Variants in ADARB2 observed in about 807,000 individuals in gnomAD.
ADARB2 encodes the protein adenosine deaminase RNA specific B2 (inactive).
ADARB2 carries 25 observed loss-of-function variants against 62.2 expected under a neutral mutation model. That is an observed-to-expected ratio of 0.40 (90% confidence interval 0.29 to 0.56). The LOEUF (loss-of-function observed/expected upper bound fraction) is 0.56, where lower values mean the gene tolerates loss of function less well. ADARB2 is among the 20% of genes least tolerant of loss of function. The probability of loss-of-function intolerance (pLI) is 0.43; values close to 1 mark genes in which losing one functional copy is unlikely to be tolerated. For missense variants in ADARB2, 1,071 were observed against 1,077.4 expected (o/e 0.99, Z 0.08); for synonymous variants, 572 against 500.8 (o/e 1.14, Z -1.90).
chr10:1,534,054 A>G (rs912537786), intron 1 of ADARB2, among the ~76,000 whole-genome samples: 1 of 151,592 alleles, frequency 6.6e-6, no homozygotes, highest in Admixed American at 6.6e-5. Flanking sequence ...AGAGAGAGAG[A>G]GAGAGAGAGA....
intron 1 of ADARB2, among the ~76,000 whole-genome samples, chr10:1,712,819 C>T (rs1268115598): frequency 6.6e-6 from 1 of 151,974 alleles, no homozygotes; most frequent in African/African-American, 2.4e-5. Context: ...CCGTGTTAGT[C>T]AGGATGGTCT....
intron 1 of ADARB2, among the ~76,000 whole-genome samples, chr10:1,596,577 C>T (rs116510630): frequency 0.017 from 2,628 of 152,320 alleles, 82 homozygotes; most frequent in African/African-American, 0.059. Flanking sequence ...AGGAGAGATG[C>T]TTCCTGGCAC....
intron 1 of ADARB2, among the ~76,000 whole-genome samples, chr10:1,388,384 C>T (rs932810882): frequency 6.6e-6 from 1 of 152,114 alleles, no homozygotes; most frequent in African/African-American, 2.4e-5. Context: ...TAGTTAGTGT[C>T]ATAAGGCCAG....
At chr10:1,475,834 C>T (rs2820642) in intron 1 of ADARB2, among the ~76,000 whole-genome samples, 86,049 of 151,908 alleles carry the variant, frequency 0.57, 24,505 homozygotes, top group South Asian at 0.71. Flanking sequence ...CAAAGGCCAC[C>T]GGCAATGAGG....
rs2997721 is a variant in ADARB2 at position 1,327,696 on chromosome 10, G to A, written c.1077+35332C>T. ...GCGCCTCCTCACTGCACAGCGCCTC[G>A]TCACAGTTTAGTGCCTACCCACAGT... On this transcript the variant is annotated intron_variant, in intron 3 of 9. Coordinates refer to ENST00000381312, the MANE Select transcript of ADARB2 (RefSeq NM_018702.4). 5.1e-3 allele frequency among the ~76,000 whole-genome samples: 153 copies of A among 30,294 alleles called. 32 individuals are homozygous for A. The highest frequency in any genetic ancestry group is 0.016 in the African/African-American group (144 of 8,750). The allele number at this position is 30,294 out of a possible 152,430, so 19.9% of individuals were successfully genotyped here. A position where few individuals can be genotyped will look rare whatever the true frequency, so the allele number is the denominator to read the frequency against.
intron 3 of ADARB2, among the ~76,000 whole-genome samples, chr10:1,318,404 G>A (rs1429002717): frequency 6.6e-6 from 1 of 151,956 alleles, no homozygotes; most frequent in Non-Finnish European, 1.5e-5. Context: ...GAGTGAGAGA[G>A]ATCATGGGCT....
chr10:1,392,225 C>T (rs1228135412), intron 1 of ADARB2, among the ~76,000 whole-genome samples: 1 of 152,184 alleles, frequency 6.6e-6, no homozygotes, highest in Non-Finnish European at 1.5e-5. Flanking sequence ...CATGTCCATT[C>T]CACATCTTGC....
chr10:1,381,957 T>C (rs1289620729), intron 1 of ADARB2, among the ~76,000 whole-genome samples: 2 of 152,138 alleles, frequency 1.3e-5, no homozygotes, highest in Non-Finnish European at 2.9e-5. Context: ...ATAACATGTA[T>C]TGCCCACTTG....
At chr10:1,555,525 G>A (rs1328292389) in intron 1 of ADARB2, among the ~76,000 whole-genome samples, 1 of 152,196 alleles carries the variant, frequency 6.6e-6, no homozygotes, top group Non-Finnish European at 1.5e-5. Context: ...TTTGACTGCA[G>A]GGACCGTGAG....
chr10:1,524,100 A>AGATG (rs1407259001), intron 1 of ADARB2, among the ~76,000 whole-genome samples: 1 of 151,360 alleles, frequency 6.6e-6, no homozygotes, highest in African/African-American at 2.4e-5. Context: ...ATAGATAGAT[A>AGATG]GATTAGAGAG....
chr10:1,532,134 G>A (rs982077254), intron 1 of ADARB2, among the ~76,000 whole-genome samples: 2 of 152,152 alleles, frequency 1.3e-5, no homozygotes, highest in Non-Finnish European at 2.9e-5. Flanking sequence ...GTGTTTTCCT[G>A]TATCAGCCCG....
At chr10:1,556,707 T>C (rs1020385246) in intron 1 of ADARB2, 1 of 534,328 alleles carries the variant, frequency 1.9e-6, no homozygotes, top group African/African-American at 1.9e-5. Context: ...AGAGGGCACA[T>C]CCACCCTGCC....
At chr10:1,362,974 CT>C (rs1173657905) in intron 3 of ADARB2, 53 bp downstream of exon 3, 1 of 1,268,942 alleles carries the variant, frequency 7.9e-7, no homozygotes, top group Non-Finnish European at 1.0e-6. Flanking sequence ...AGGTCGGGGT[CT>C]CCCCCGCGCC....
At chr10:1,701,961 G>A (rs576556687) in intron 1 of ADARB2, among the ~76,000 whole-genome samples, 2 of 152,346 alleles carry the variant, frequency 1.3e-5, no homozygotes, top group African/African-American at 4.8e-5. Context: ...AGAGGCGTGT[G>A]TATGCTTGGC....
chr10:1,523,280 A>G (rs1832096805), intron 1 of ADARB2, among the ~76,000 whole-genome samples: 1 of 152,230 alleles, frequency 6.6e-6, no homozygotes, highest in Non-Finnish European at 1.5e-5. Flanking sequence ...AGGCAGTGGA[A>G]GTAATATTTT....
intron 1 of ADARB2, among the ~76,000 whole-genome samples, chr10:1,588,944 C>T (rs1296309771): frequency 6.6e-6 from 1 of 152,172 alleles, no homozygotes; most frequent in Non-Finnish European, 1.5e-5. Flanking sequence ...CAGCCCAGAA[C>T]CACAGCACAG....
intron 1 of ADARB2, among the ~76,000 whole-genome samples, chr10:1,680,535 C>T (rs952208291): frequency 1.3e-5 from 2 of 152,298 alleles, no homozygotes; most frequent in East Asian, 1.9e-4. Context: ...TGTGTGGGCG[C>T]TTTTGGAAGT....
intron 3 of ADARB2, among the ~76,000 whole-genome samples, chr10:1,330,306 T>C (rs904962): frequency 0.12 from 17,949 of 152,126 alleles, 1,495 homozygotes; most frequent in East Asian, 0.29. Context: ...CTGGTGACCT[T>C]CGATTGCATG....
intron 3 of ADARB2, among the ~76,000 whole-genome samples, chr10:1,343,852 C>G (rs1832054334): frequency 1.3e-5 from 2 of 152,200 alleles, no homozygotes; most frequent in Admixed American, 1.3e-4. Context: ...GGGGGAGCAA[C>G]AGATACTGGG....
Sources: allele counts gnomAD v4.1 joint callset (sites outside exome capture counted in the v4.1 genomes callset), GRCh38; gene constraint gnomAD v4.1.1; transcripts MANE v1.5; gene names NCBI Gene and HGNC (gene_info 2026-07-23, HGNC 2026-07-21).